Variants in USP3 observed in about 807,000 individuals in gnomAD.
USP3 encodes ubiquitin specific peptidase 3, also known as ubiquitin carboxyl-terminal hydrolase 3.
USP3 carries 20 observed loss-of-function variants against 72.3 expected under a neutral mutation model. That is an observed-to-expected ratio of 0.28 (90% CI 0.19 to 0.40). The LOEUF (loss-of-function observed/expected upper bound fraction) is 0.40. Among genes scored for constraint, USP3 ranks in the 10% least tolerant of loss-of-function variants. The pLI, the probability that USP3 is intolerant of heterozygous loss-of-function variation, is 1.00. For synonymous variants in USP3, 222 were observed against 225.3 expected, an observed-to-expected ratio of 0.99 and a Z score of 0.13; for missense variants, 479 against 633.9, an observed-to-expected ratio of 0.76 and a Z score of 2.62.
intron 7 of USP3, among the ~76,000 whole-genome samples, chr15:63,562,575 A>T (rs754719354): frequency 5.9e-5 from 9 of 152,226 alleles, no homozygotes; most frequent in Non-Finnish European, 1.3e-4. Context: ...TTGAAAATGT[A>T]CATTCTTAAG....
intron 3 of USP3, chr15:63,551,460 C>T (rs2066435431): frequency 6.6e-6 from 1 of 151,444 alleles, no homozygotes; most frequent in African/African-American, 2.4e-5. Context: ...CATAGGTCAC[C>T]ATAACTCATG....
chr15:63,525,188 T>G (rs1021358798), intron 1 of USP3, among the ~76,000 whole-genome samples: 9 of 152,126 alleles, frequency 5.9e-5, no homozygotes, highest in Admixed American at 5.9e-4. Context: ...GCTTCATAAT[T>G]TTATCTTTCC....
At chr15:63,576,380 C>A (rs2066863896) in intron 11 of USP3, among the ~76,000 whole-genome samples, 1 of 152,164 alleles carries the variant, frequency 6.6e-6, no homozygotes, top group Non-Finnish European at 1.5e-5. Flanking sequence ...AGGCTTCTTT[C>A]CTTGCTTCCT....
intron 8 of USP3, among the ~76,000 whole-genome samples, chr15:63,566,364 C>T (rs2066691447): frequency 6.6e-6 from 1 of 151,254 alleles, no homozygotes; most frequent in African/African-American, 2.4e-5. Flanking sequence ...GACTGGAGTG[C>T]AGTGGCATGA....
chr15:63,532,799 T>C, intron 2 of USP3, 92 bp downstream of exon 2: 1 of 1,343,280 alleles, frequency 7.4e-7, no homozygotes, highest in Non-Finnish European at 1.1e-6. Context: ...TTGGATTTAG[T>C]ACCATTGTTA....
chr15:63,532,444 G>A (rs901157409), intron 1 of USP3: 3 of 614,320 alleles, frequency 4.9e-6, no homozygotes, highest in Admixed American at 2.7e-5. Flanking sequence ...AAAATGAGCC[G>A]CTGTTGTGGA....
intron 5 of USP3, 49 bp downstream of exon 5, chr15:63,556,797 C>A: frequency 2.3e-6 from 3 of 1,284,064 alleles, no homozygotes; most frequent in South Asian, 1.4e-5. Context: ...GAGATTTAAT[C>A]ACTGTTTTGT....
chr15:63,513,104 A>G (rs1300366725), intron 1 of USP3, among the ~76,000 whole-genome samples: 1 of 152,148 alleles, frequency 6.6e-6, no homozygotes, highest in African/African-American at 2.4e-5. Context: ...TCCATTCTTG[A>G]GTAGAAGTTT....
rs867673429 is a variant in USP3 at position 63,582,849 on chromosome 15, G to C, written c.1097-5456G>C. 7.9e-5 allele frequency among the ~76,000 whole-genome samples: 12 copies of C among 152,298 alleles called. No homozygotes were observed. The South Asian group carries it at 2.1e-3, about 26-fold the overall frequency. On this transcript the variant is annotated intron_variant, in intron 11 of 14. Coordinates refer to ENST00000380324, the MANE Select transcript of USP3 (RefSeq NM_006537.4). ...AGGGTGATGGCAGGGGCTTTGCCTG[G>C]CAGGTAGAAGGAACAAGAGAGCAGT...
intron 1 of USP3, among the ~76,000 whole-genome samples, chr15:63,519,346 T>A (rs1338819216): frequency 6.6e-6 from 1 of 151,858 alleles, no homozygotes; most frequent in Non-Finnish European, 1.5e-5. Context: ...TTTTTTTTTC[T>A]ATTCTAACAT....
At chr15:63,575,918 A>G (rs374296116) in intron 11 of USP3, among the ~76,000 whole-genome samples, 13 of 152,296 alleles carry the variant, frequency 8.5e-5, no homozygotes, top group East Asian at 5.8e-4. Context: ...CAATAAGAAC[A>G]GTAATAATCA....
chr15:63,564,112 A>G (rs1408650076), intron 8 of USP3, among the ~76,000 whole-genome samples: 1 of 152,172 alleles, frequency 6.6e-6, no homozygotes, highest in Non-Finnish European at 1.5e-5. Flanking sequence ...TCTAACATAA[A>G]TCACCTAGTA....
At chr15:63,587,498 T>C (rs1310529153) in intron 11 of USP3, among the ~76,000 whole-genome samples, 3 of 152,224 alleles carry the variant, frequency 2.0e-5, no homozygotes, top group African/African-American at 4.8e-5. Flanking sequence ...CCTCCAATAA[T>C]AGTTTCCTTT....
At chr15:63,557,460 ACCG>A (rs1202008296) in intron 5 of USP3, among the ~76,000 whole-genome samples, 1 of 152,018 alleles carries the variant, frequency 6.6e-6, no homozygotes, top group African/African-American at 2.4e-5. Flanking sequence ...ACGGAGTTTC[ACCG>A]TGTTGCTCAG....
In USP3 at chr15:63,559,947, C is replaced by G. The variant is rs1439173869; in HGVS notation, c.624C>G (p.Thr208=). 1.2e-6 allele frequency: 2 copies of G among 1,613,926 alleles called. No homozygotes were observed. Among genetic ancestry groups the G allele is most frequent in the Admixed American group, 1.7e-5 (1 of 60,004 alleles). ...CAGCAGGAAGGCGGACATACCACAC[C>G]AGGAGCCAAGGGGATAACAATGTGT... ...GKTAGRRTYH[T]RSQGDNNVSL... is the part of the protein sequence containing the mutation. The change falls in exon 7 of 15, where the codon ACC becomes ACG. Residue 208 remains threonine, a synonymous_variant. Transcript: ENST00000380324.
Position 63,547,845 on chromosome 15 carries a change from G to GGA in USP3, c.285-5854_285-5853dup, listed in dbSNP as rs1246222693. Among the ~76,000 whole-genome samples the GGA allele has an allele frequency of 6.2e-4, 27 of 43,774 alleles. 1 individual carries two copies. In the East Asian group the frequency reaches 0.012, roughly 20 times the overall value. 28.7% of individuals were successfully genotyped at this position (43,774 alleles called of 152,430 possible). A position where few individuals can be genotyped will look rare whatever the true frequency, so the allele number is the denominator to read the frequency against. Reference sequence around the variant, plus strand: ...GAGAGAGAGAGAGAGAGGGAGGGAGGGAGAGAGAGAGAGAGAGGCATAGAG... The same window carrying GGA: ...GAGAGAGAGAGAGAGAGGGAGGGAGGGAGAGAGAGAGAGAGAGAGGCATAGAG... On this transcript the variant is annotated intron_variant, in intron 3 of 14. Coordinates refer to ENST00000380324, the MANE Select transcript of USP3 (RefSeq NM_006537.4).
At chr15:63,520,628 A>T (rs930850983) in intron 1 of USP3, among the ~76,000 whole-genome samples, 1 of 134,304 alleles carries the variant, frequency 7.4e-6, no homozygotes, top group African/African-American at 2.9e-5. Flanking sequence ...CAATGATGCA[A>T]TCTCGGCTCA....
chr15:63,590,594 A>C lies in USP3; in HGVS notation c.1398-67A>C. The C allele has an allele frequency of 2.2e-6, 3 of 1,375,104 alleles. No homozygotes were observed. The South Asian group carries it at 5.2e-5, about 24-fold the overall frequency. The allele number at this position is 1,375,104 out of a possible 1,614,324, so 85.2% of individuals were successfully genotyped here. ...CTTATTAAAATTTAAATCTAACATTATATAGTTGTACAGGTCTTTTTGTGA... is the reference window on the plus strand; with the variant it reads ...CTTATTAAAATTTAAATCTAACATTCTATAGTTGTACAGGTCTTTTTGTGA... On this transcript the variant is annotated intron_variant, in intron 14 of 14. Transcript: ENST00000380324.
intron 8 of USP3, among the ~76,000 whole-genome samples, chr15:63,567,324 A>G (rs2066706470): frequency 7.0e-6 from 1 of 142,036 alleles, no homozygotes; most frequent in Non-Finnish European, 1.5e-5. Flanking sequence ...ACAGGTGTGT[A>G]CCACCATGCC....
Sources: gnomAD v4.1 joint callset for allele counts (sites outside exome capture counted in the v4.1 genomes callset) on GRCh38, gnomAD v4.1.1 for gene constraint, MANE v1.5 for transcripts, NCBI Gene and HGNC (gene_info 2026-07-23, HGNC 2026-07-21) for gene names.